The following HSD17B12 variants were observed in gnomAD, a reference collection of about 807,000 sequenced individuals.
HSD17B12 encodes the protein hydroxysteroid 17-beta dehydrogenase 12, also known as very-long-chain 3-oxoacyl-CoA reductase.
Under a neutral mutation model 39.3 loss-of-function variants are expected in HSD17B12, and 32 were observed. That is an observed-to-expected ratio of 0.81 (90% CI 0.61 to 1.09). The LOEUF (loss-of-function observed/expected upper bound fraction) is 1.09, where lower values mean the gene tolerates loss of function less well. HSD17B12 is among the 50% of genes least tolerant of loss of function. The pLI, the probability that HSD17B12 is intolerant of heterozygous loss-of-function variation, is 0.00. For missense variants in HSD17B12, 342 were observed against 382.9 expected, an observed-to-expected ratio of 0.89 and a Z score of 0.89; for synonymous variants, 150 against 146.7, an observed-to-expected ratio of 1.02 and a Z score of -0.16.
At chr11:43,653,642 CAT>C in the HSD17B12 span, among the ~76,000 whole-genome samples, 12 of 152,044 alleles carry the variant, frequency 7.9e-5, no homozygotes. Flanking sequence ...TGAGTGAGAA[CAT>C]GTGGTGTTTG....
the HSD17B12 span, among the ~76,000 whole-genome samples, chr11:43,587,631 C>T: frequency 2.0e-5 from 3 of 152,308 alleles, no homozygotes; most frequent in Admixed American, 1.3e-4. Context: ...GCAAGGCAGA[C>T]GTGGAGCTGA....
the HSD17B12 span, among the ~76,000 whole-genome samples, chr11:43,656,896 T>A: frequency 3.1e-4 from 47 of 152,218 alleles, no homozygotes; most frequent in Middle Eastern, 3.4e-3. Flanking sequence ...GGATGGAGAG[T>A]TCTGTAGATG....
chr11:43,680,352 G>A (rs188815383), upstream of HSD17B12, among the ~76,000 whole-genome samples: 10 of 152,290 alleles, frequency 6.6e-5, no homozygotes, highest in East Asian at 1.9e-3. Context: ...GATTACAGGT[G>A]TTAGCCACCG....
Position 43,701,017 on chromosome 11 carries a change from A to G in HSD17B12, c.160+20030A>G, listed in dbSNP as rs1237959618. ...CATTTGTTATTGCCTGTCTTTTGGGATATATGCCATTTTAACTGGGATGAG... is the reference window on the plus strand; with the variant it reads ...CATTTGTTATTGCCTGTCTTTTGGGGTATATGCCATTTTAACTGGGATGAG... On this transcript the variant is annotated intron_variant, in intron 1 of 10. Coordinates refer to ENST00000278353, the MANE Select transcript of HSD17B12 (RefSeq NM_016142.3). Among the ~76,000 whole-genome samples the G allele has an allele frequency of 2.0e-5, 3 of 152,208 alleles. No individual in the cohort carries two copies. In the East Asian group the frequency reaches 5.8e-4, roughly 29 times the overall value.
intron 6 of HSD17B12, among the ~76,000 whole-genome samples, chr11:43,817,799 T>C (rs574644639): frequency 1.3e-5 from 2 of 152,032 alleles, no homozygotes; most frequent in Non-Finnish European, 2.9e-5. Flanking sequence ...TTGTCCTTTT[T>C]GCTTAGTCTT....
chr11:43,580,066 TG>T, the HSD17B12 span, among the ~76,000 whole-genome samples: 73,943 of 120,006 alleles, frequency 0.62, 20,328 homozygotes, highest in East Asian at 0.73. Context: ...TAGGTACTAA[TG>T]GGGGGGGGGA....
At chr11:43,663,918 A>G in the HSD17B12 span, among the ~76,000 whole-genome samples, 2 of 151,344 alleles carry the variant, frequency 1.3e-5, no homozygotes, top group Non-Finnish European at 2.9e-5. Flanking sequence ...GCTGGAGTGC[A>G]GTGGCGTGAT....
At chr11:43,658,123 C>T in the HSD17B12 span, among the ~76,000 whole-genome samples, 1 of 152,176 alleles carries the variant, frequency 6.6e-6, no homozygotes, top group East Asian at 1.9e-4. Flanking sequence ...CTAAACTTCT[C>T]TTCACGCTTC....
chr11:43,720,318 T>C (rs1336995988), intron 1 of HSD17B12, among the ~76,000 whole-genome samples: 2 of 152,380 alleles, frequency 1.3e-5, no homozygotes, highest in African/African-American at 2.4e-5. Flanking sequence ...TTCAGTGTTC[T>C]ACCTGGAAAT....
At chr11:43,830,671 A>G (rs1018814442) in intron 6 of HSD17B12, 1 of 199,726 alleles carries the variant, frequency 5.0e-6, no homozygotes, top group African/African-American at 2.3e-5. Context: ...TGGGAAATGT[A>G]GATTTTCACT....
upstream of HSD17B12, among the ~76,000 whole-genome samples, chr11:43,677,108 G>A (rs1157715983): frequency 2.0e-5 from 3 of 152,124 alleles, no homozygotes; most frequent in African/African-American, 7.2e-5. Flanking sequence ...GAATTCTGCA[G>A]GGTAATTGAT....
chr11:43,597,884 C>T, the HSD17B12 span, among the ~76,000 whole-genome samples: 5 of 152,192 alleles, frequency 3.3e-5, no homozygotes, highest in Non-Finnish European at 7.3e-5. Flanking sequence ...ATCTGCCCAC[C>T]TTGGCCTCCC....
At chr11:43,828,163 G>A (rs1236478326) in intron 6 of HSD17B12, among the ~76,000 whole-genome samples, 1 of 135,136 alleles carries the variant, frequency 7.4e-6, no homozygotes, top group African/African-American at 2.8e-5. Context: ...TTTTTTTTGA[G>A]ACGGAGTCTC....
the HSD17B12 span, among the ~76,000 whole-genome samples, chr11:43,603,911 T>C: frequency 6.6e-6 from 1 of 152,202 alleles, no homozygotes; most frequent in Non-Finnish European, 1.5e-5. Flanking sequence ...GCTTAAAATG[T>C]AGATATAATC....
At chr11:43,833,669 A>G (rs1299743785) in intron 7 of HSD17B12, 1 of 152,202 alleles carries the variant, frequency 6.6e-6, no homozygotes, top group African/African-American at 2.4e-5. Flanking sequence ...CAAATGGCTT[A>G]TTTCCTATGG....
intron 6 of HSD17B12, 138 bp from the exon 7 acceptor site, chr11:43,830,838 C>G: frequency 3.1e-6 from 2 of 648,378 alleles, no homozygotes; most frequent in East Asian, 5.7e-5. Context: ...CTACAGTGTA[C>G]AGAAAATAAC....
At chr11:43,854,908 G>A (rs2135154141) in intron 10 of HSD17B12, 44 bp downstream of exon 10, 1 of 1,599,896 alleles carries the variant, frequency 6.3e-7, no homozygotes. Flanking sequence ...TTCTGGCTTG[G>A]GGTTTCTTTC....
the HSD17B12 span, among the ~76,000 whole-genome samples, chr11:43,639,528 G>A: frequency 6.6e-6 from 1 of 152,218 alleles, no homozygotes; most frequent in East Asian, 1.9e-4. Context: ...CAAGCCTTTA[G>A]TCTGGGTGGA....
chr11:43,722,286 G>A (rs1280927815), intron 1 of HSD17B12, among the ~76,000 whole-genome samples: 1 of 152,164 alleles, frequency 6.6e-6, no homozygotes, highest in Admixed American at 6.6e-5. Context: ...CTCTTTATAT[G>A]TGTTTTTTTC....
Sources: allele counts gnomAD v4.1 joint callset (sites outside exome capture counted in the v4.1 genomes callset), GRCh38; gene constraint gnomAD v4.1.1; transcripts MANE v1.5; gene names NCBI Gene and HGNC (gene_info 2026-07-23, HGNC 2026-07-21).